Variants in DMD observed in about 807,000 individuals in gnomAD.
DMD encodes mutant dystrophin.
Under a neutral mutation model 330.1 loss-of-function variants are expected in DMD, and 63 were observed. That is an observed-to-expected ratio of 0.19 (90% CI 0.16 to 0.24). DMD has a LOEUF of 0.24. Ranked by LOEUF, DMD falls within the 10% of genes least tolerant of loss-of-function variation. The pLI is 1.00. For synonymous variants in DMD, 1,223 were observed against 959.8 expected, an observed-to-expected ratio of 1.27 and a Z score of -5.07; for missense variants, 3,344 against 2,684.1, an observed-to-expected ratio of 1.25 and a Z score of -5.43.
intron 4 of DMD, among the ~76,000 whole-genome samples, chrX:32,835,423 G>A (rs922920367): frequency 8.9e-6 from 1 of 112,623 alleles, no homozygotes; most frequent in Non-Finnish European, 1.9e-5. Flanking sequence ...TATTTTGTTC[G>A]CTTTTTAAAA....
chrX:32,342,836 A>G (rs2097750871), intron 40 of DMD: 1 of 385,263 alleles, frequency 2.6e-6, no homozygotes. Context: ...ATATACCGAT[A>G]AGTCATTAGT....
intron 1 of DMD, among the ~76,000 whole-genome samples, chrX:33,026,313 C>CA (rs56794668): frequency 0.016 from 514 of 32,780 alleles, 108 homozygotes; most frequent in Non-Finnish European, 0.02. Context: ...GACTCCGTCT[C>CA]AAAAAAAAAA....
chrX:32,026,951 C>T (rs73451881), intron 44 of DMD, among the ~76,000 whole-genome samples: 1,320 of 110,641 alleles, frequency 0.012, 24 homozygotes, highest in African/African-American at 0.038. Context: ...ACATAACTCC[C>T]ACTCACATTC....
intron 44 of DMD, among the ~76,000 whole-genome samples, chrX:31,994,184 A>G (rs1261581172): frequency 1.8e-5 from 2 of 111,885 alleles, no homozygotes; most frequent in Admixed American, 9.5e-5. Flanking sequence ...TTAGTTGCCC[A>G]TGACATTGCC....
intron 44 of DMD, among the ~76,000 whole-genome samples, chrX:32,022,050 A>G (rs1236911195): frequency 8.9e-6 from 1 of 111,823 alleles, no homozygotes; most frequent in East Asian, 2.8e-4. Flanking sequence ...TAAGTAAGTC[A>G]TTTTTTTTAA....
intron 60 of DMD, among the ~76,000 whole-genome samples, chrX:31,425,410 C>A (rs774134996): frequency 4.6e-4 from 51 of 111,716 alleles, no homozygotes; most frequent in Non-Finnish European, 4.9e-4. Context: ...GTTTCAGAAC[C>A]CATTTGTGGA....
intron 33 of DMD, among the ~76,000 whole-genome samples, chrX:32,383,964 A>T (rs2097941746): frequency 9.1e-6 from 1 of 110,111 alleles, no homozygotes; most frequent in South Asian, 3.7e-4. Context: ...TTAAAAAGTA[A>T]ACTGAGAAAC....
chrX:32,506,240 A>T (rs1324664468), intron 18 of DMD, among the ~76,000 whole-genome samples: 2 of 110,881 alleles, frequency 1.8e-5, no homozygotes, highest in Non-Finnish European at 3.8e-5. Flanking sequence ...TCTAGTGGGA[A>T]ATGTTGACAG....
At chrX:31,433,102 T>C (rs1299217465) in intron 60 of DMD, among the ~76,000 whole-genome samples, 2 of 112,004 alleles carry the variant, frequency 1.8e-5, no homozygotes, top group East Asian at 2.8e-4. Context: ...TTTACATCCA[T>C]GTGTACCCAA....
At position 31,206,675 on chromosome X, in the gene DMD, G is replaced by A; in HGVS notation, c.9564-8C>T. 1 of 1,196,034 alleles carries A rather than the reference G, an allele frequency of 8.4e-7. No individual in the cohort carries two copies. On this transcript the variant is annotated splice_region_variant and splice_polypyrimidine_tract_variant and intron_variant, in intron 65 of 78. Transcript: ENST00000357033. ...ATCCTCCCTGTTCGTCCCCTATTAT[G>A]AAGAATCAAAGCAGAAAACAATTAC...
chrX:32,337,227 G>A (rs2097719921), intron 41 of DMD, among the ~76,000 whole-genome samples: 1 of 111,126 alleles, frequency 9.0e-6, no homozygotes, highest in Non-Finnish European at 1.9e-5. Context: ...AAAGAATCAT[G>A]AAGGATGTCT....
chrX:31,760,942 A>ATTTTTTT (rs35766737), intron 51 of DMD, among the ~76,000 whole-genome samples: 1 of 80,914 alleles, frequency 1.2e-5, no homozygotes, highest in African/African-American at 4.8e-5. Flanking sequence ...CCTAGTTAGT[A>ATTTTTTT]TTTTTTTTTT....
In DMD at chrX:32,870,980, A is replaced by AAAAAAAG. The variant is rs1569537088; in HGVS notation, c.94-21161_94-21160insCTTTTTT. Among the ~76,000 whole-genome samples, 361 of 37,186 alleles carry AAAAAAAG rather than the reference A, an allele frequency of 9.7e-3. 27 individuals are homozygous for AAAAAAAG. The highest frequency in any genetic ancestry group is 0.013 in the African/African-American group (136 of 10,579). The allele number at this position is 37,186 out of a possible 115,157, so 32.3% of individuals were successfully genotyped here. A position where few individuals can be genotyped will look rare whatever the true frequency, so the allele number is the denominator to read the frequency against. Reference sequence around the variant, plus strand: ...CAGCAAAAAAAAAAAAAAAAAAAAAAAAAAAAAACCACAAAACCCATCATC... The same window carrying AAAAAAAG: ...CAGCAAAAAAAAAAAAAAAAAAAAAAAAAAAAGAAAAAAAACCACAAAACCCATCATC... On this transcript the variant is annotated intron_variant, in intron 2 of 78. Coordinates refer to ENST00000357033, the MANE Select transcript of DMD (RefSeq NM_004006.3).
At chrX:31,496,019 A>T (rs780344428) in intron 57 of DMD, among the ~76,000 whole-genome samples, 7 of 112,149 alleles carry the variant, frequency 6.2e-5, no homozygotes, top group African/African-American at 2.3e-4. Context: ...TTTTCTATTG[A>T]TTGCATGTTG....
intron 45 of DMD, among the ~76,000 whole-genome samples, chrX:31,953,763 T>C (rs2095214046): frequency 8.9e-6 from 1 of 111,987 alleles, no homozygotes; most frequent in African/African-American, 3.2e-5. Context: ...CTATTATCTT[T>C]ATTTTTGGAT....
At chrX:32,448,743 T>C in intron 26 of DMD, 105 bp from the exon 27 acceptor site, 1 of 739,011 alleles carries the variant, frequency 1.4e-6, no homozygotes, top group South Asian at 3.1e-5. Flanking sequence ...CCAGTTAGAA[T>C]GAGAATTACA....
chrX:31,138,882 C>T (rs1247238611), intron 76 of DMD, among the ~76,000 whole-genome samples: 2 of 111,267 alleles, frequency 1.8e-5, no homozygotes, highest in East Asian at 5.6e-4. Flanking sequence ...AATAGGCAAC[C>T]TCAAAATATT....
chrX:32,227,626 T>C lies in DMD; in HGVS notation c.6291-10563A>G, dbSNP rs180812668. 5.0e-3 allele frequency among the ~76,000 whole-genome samples: 545 copies of C among 109,134 alleles called. 4 individuals are homozygous for C. The highest frequency in any genetic ancestry group is 0.016 in the African/African-American group (493 of 30,099). The allele number at this position is 109,134 out of a possible 115,157, so 94.8% of individuals were successfully genotyped here. ...ATGGAGAAAAGGTACATCATTTGCA[T>C]GATGGGTACACAAAAAACCAGACTT... On this transcript the variant is annotated intron_variant, in intron 43 of 78. Transcript: ENST00000357033.
At chrX:32,157,265 A>G (rs1255769251) in intron 44 of DMD, among the ~76,000 whole-genome samples, 1 of 111,994 alleles carries the variant, frequency 8.9e-6, no homozygotes, top group Non-Finnish European at 1.9e-5. Flanking sequence ...AGTTATGAAC[A>G]TCAACTTCAT....
Sources: allele counts gnomAD v4.1 joint callset (sites outside exome capture counted in the v4.1 genomes callset), GRCh38; gene constraint gnomAD v4.1.1; transcripts MANE v1.5; gene names NCBI Gene and HGNC (gene_info 2026-07-23, HGNC 2026-07-21).